LSAMP: variants seen among roughly 807,000 people sequenced by gnomAD.
LSAMP encodes the protein limbic system associated membrane protein.
In LSAMP, 7 loss-of-function variants were observed where a neutral mutation model predicts 38.6. That is an observed-to-expected ratio of 0.18 (90% CI 0.10 to 0.34). LSAMP has a LOEUF of 0.34. Ranked by LOEUF, LSAMP falls within the 10% of genes least tolerant of loss-of-function variation. The pLI, the probability that LSAMP is intolerant of heterozygous loss-of-function variation, is 1.00. For synonymous variants in LSAMP, 154 were observed against 166.8 expected (o/e 0.92, Z 0.59); for missense variants, 313 against 420.0 (o/e 0.75, Z 2.23).
intron 3 of LSAMP, among the ~76,000 whole-genome samples, chr3:115,863,773 A>C (rs934130404): frequency 2.0e-5 from 3 of 151,930 alleles, no homozygotes; most frequent in Admixed American, 2.0e-4. Flanking sequence ...AGAAAACTGA[A>C]TTTAATAATT....
At chr3:116,295,304 G>C (rs2107698819) in intron 1 of LSAMP, among the ~76,000 whole-genome samples, 1 of 152,254 alleles carries the variant, frequency 6.6e-6, no homozygotes, top group Non-Finnish European at 1.5e-5. Context: ...AGAACTTCCA[G>C]TACAATGATA....
intron 1 of LSAMP, among the ~76,000 whole-genome samples, chr3:116,280,580 C>T (rs2047115297): frequency 6.6e-6 from 1 of 152,194 alleles, no homozygotes; most frequent in South Asian, 2.1e-4. Context: ...AAATGCTGTG[C>T]TATTCGATGA....
Position 116,273,707 on chromosome 3 carries a change from T to TATATATATATATATATATATACAC in LSAMP, c.155+171169_155+171170insGTGTATATATATATATATATATAT, listed in dbSNP as rs1307543165. Among the ~76,000 whole-genome samples the TATATATATATATATATATATACAC allele has an allele frequency of 3.2e-3, 328 of 102,442 alleles. 2 individuals carry two copies. Among genetic ancestry groups the TATATATATATATATATATATACAC allele is most frequent in the Non-Finnish European group, 4.0e-3 (217 of 54,934 alleles). The allele number at this position is 102,442 out of a possible 152,430, so 67.2% of individuals were successfully genotyped here. ...GCATATATATATATATATATATATA[T>TATATATATATATATATATATACAC]ACACACACACACACACGTATATATG... On this transcript the variant is annotated intron_variant, in intron 1 of 6. Transcript: ENST00000490035.
chr3:115,895,988 T>A (rs552150098), intron 3 of LSAMP, among the ~76,000 whole-genome samples: 3 of 152,276 alleles, frequency 2.0e-5, no homozygotes, highest in African/African-American at 7.2e-5. Flanking sequence ...ACAACATTGA[T>A]ACCATTAAAA....
chr3:116,307,486 T>C (rs959590493), intron 1 of LSAMP, among the ~76,000 whole-genome samples: 1 of 151,928 alleles, frequency 6.6e-6, no homozygotes, highest in Non-Finnish European at 1.5e-5. Flanking sequence ...ATAGAGTGCA[T>C]TTAGTATGTG....
intron 3 of LSAMP, among the ~76,000 whole-genome samples, chr3:115,886,423 G>A (rs1936455317): frequency 6.6e-6 from 1 of 151,972 alleles, no homozygotes; most frequent in African/African-American, 2.4e-5. Context: ...TGGCAGTGAT[G>A]TAAATGACAA....
At chr3:116,054,068 T>C (rs1941444370) in intron 2 of LSAMP, among the ~76,000 whole-genome samples, 1 of 152,198 alleles carries the variant, frequency 6.6e-6, no homozygotes, top group South Asian at 2.1e-4. Context: ...AGTCGTGGCA[T>C]GGCTATGGTC....
chr3:115,985,036 G>A (rs1334192911), intron 3 of LSAMP, among the ~76,000 whole-genome samples: 1 of 152,136 alleles, frequency 6.6e-6, no homozygotes, highest in Non-Finnish European at 1.5e-5. Context: ...GCAATAATAA[G>A]ATAAACTTTG....
chr3:115,878,835 AGT>A (rs1936253606), intron 3 of LSAMP, among the ~76,000 whole-genome samples: 2 of 152,234 alleles, frequency 1.3e-5, no homozygotes, highest in East Asian at 3.9e-4. Context: ...CAATTCCAGG[AGT>A]TAGAATTACT....
At chr3:115,953,370 AAATTT>A (rs1407463533) in intron 3 of LSAMP, among the ~76,000 whole-genome samples, 1 of 151,302 alleles carries the variant, frequency 6.6e-6, no homozygotes, top group Non-Finnish European at 1.5e-5. Flanking sequence ...TTAGTGAAAC[AAATTT>A]AATGGGATGA....
At position 116,229,778 on chromosome 3, in the gene LSAMP, T is replaced by C. The variant is rs114690935; in HGVS notation, c.156-143222A>G. On this transcript the variant is annotated intron_variant, in intron 1 of 6. Transcript: ENST00000490035. ...CAAAGATTTAAGGGTATTTTCAAGG[T>C]CTTCAGGAGTCATTAGGCCAGATTT... Among the ~76,000 whole-genome samples the C allele has an allele frequency of 9.3e-3, 1,416 of 152,224 alleles. 21 individuals carry two copies. Among genetic ancestry groups the C allele is most frequent in the African/African-American group, 0.026 (1,093 of 41,554 alleles).
intron 1 of LSAMP, among the ~76,000 whole-genome samples, chr3:116,167,855 T>C (rs1710098329): frequency 6.6e-6 from 1 of 152,180 alleles, no homozygotes; most frequent in Non-Finnish European, 1.5e-5. Flanking sequence ...ATATGAAGAC[T>C]GAAAGCTGAG....
At chr3:116,114,861 T>C (rs1708707666) in intron 1 of LSAMP, among the ~76,000 whole-genome samples, 1 of 152,224 alleles carries the variant, frequency 6.6e-6, no homozygotes, top group South Asian at 2.1e-4. Flanking sequence ...ATTATGTCAG[T>C]GGGATGCAAA....
Position 115,928,792 on chromosome 3 carries a change from C to T in LSAMP, c.515-76175G>A, listed in dbSNP as rs368976441. On this transcript the variant is annotated intron_variant, in intron 3 of 6. Transcript: ENST00000490035. The stretch of plus-strand genomic sequence containing the variant: ...GGAATTATATTCTGTAACCGTGGAT[C>T]CCAGGTCACAGGCCAGTGAAAGGAA... 1.2e-4 allele frequency among the ~76,000 whole-genome samples: 18 copies of T among 152,050 alleles called. No individual in the cohort carries two copies. The East Asian group carries it at 3.5e-3, about 29-fold the overall frequency.
chr3:116,418,867 C>T (rs1223673264), intron 1 of LSAMP, among the ~76,000 whole-genome samples: 1 of 152,146 alleles, frequency 6.6e-6, no homozygotes, highest in East Asian at 1.9e-4. Flanking sequence ...CCCAGGTTTA[C>T]CCCTTCGCTC....
rs962385571 is a variant in LSAMP at position 115,883,249 on chromosome 3, T to C, written c.515-30632A>G. 5.3e-5 allele frequency among the ~76,000 whole-genome samples: 8 copies of C among 152,148 alleles called. No homozygotes were observed. In the South Asian group the frequency reaches 1.7e-3, roughly 32 times the overall value. ...ACATTGCCATCTATTAGAACACATT[T>C]GGGTTAGAGAACAGGGAAGTGACTA... is the stretch of plus-strand genomic sequence containing the variant. On this transcript the variant is annotated intron_variant, in intron 3 of 6. Coordinates refer to ENST00000490035, the MANE Select transcript of LSAMP (RefSeq NM_002338.5).
In LSAMP at chr3:116,355,426, C is replaced by G. The variant is rs187752498; in HGVS notation, c.155+89451G>C. 5.3e-5 allele frequency among the ~76,000 whole-genome samples: 8 copies of G among 152,182 alleles called. No homozygotes were observed. In the East Asian group the frequency reaches 1.5e-3, roughly 29 times the overall value. On this transcript the variant is annotated intron_variant, in intron 1 of 6. Transcript: ENST00000490035. ...CTTGACACCTGTCTCTCACCATATA[C>G]AAAAATCAAAATCAGATGGGTTAAA...
chr3:116,335,961 T>C (rs1345406278), intron 1 of LSAMP, among the ~76,000 whole-genome samples: 1 of 151,972 alleles, frequency 6.6e-6, no homozygotes, highest in Non-Finnish European at 1.5e-5. Flanking sequence ...CTGTAAACAG[T>C]GTATATGGTC....
rs559871095 is a variant in LSAMP, at chr3:115,905,019, G to C, written c.515-52402C>G. On this transcript the variant is annotated intron_variant, in intron 3 of 6. Transcript: ENST00000490035. ...GTTTTAAACTCCTTGAAGAATTTGT[G>C]AGTCTTTAGGGTCCAGCACATGGCT... Among the ~76,000 whole-genome samples, 22 of 152,174 alleles carry C rather than the reference G, an allele frequency of 1.4e-4. 1 individual carries two copies. Among genetic ancestry groups the C allele is most frequent in the African/African-American group, 5.3e-4 (22 of 41,552 alleles).
Sources: gnomAD v4.1 joint callset for allele counts (sites outside exome capture counted in the v4.1 genomes callset) on GRCh38, gnomAD v4.1.1 for gene constraint, MANE v1.5 for transcripts, NCBI Gene and HGNC (gene_info 2026-07-23, HGNC 2026-07-21) for gene names.